The following RYR3 variants were observed in gnomAD, a reference collection of about 807,000 sequenced individuals.
RYR3 encodes brain ryanodine receptor-calcium release channel.
Under a neutral mutation model 584.3 loss-of-function variants are expected in RYR3, and 207 were observed. The observed-to-expected ratio is 0.35, with a 90% CI of 0.32 to 0.40. The LOEUF is 0.40. Among genes scored for constraint, RYR3 ranks in the 10% least tolerant of loss-of-function variants. The pLI is 1.00. For synonymous variants in RYR3, 2,416 were observed against 2,248.5 expected (o/e 1.07, Z -2.11); for missense variants, 5,616 against 6,089.2 (o/e 0.92, Z 2.59).
chr15:33,339,839 A>T (rs1971600166), intron 1 of RYR3, among the ~76,000 whole-genome samples: 1 of 151,128 alleles, frequency 6.6e-6, no homozygotes, highest in Non-Finnish European at 1.5e-5. Flanking sequence ...CAGTGAGCCG[A>T]GATAGCACCA....
chr15:33,738,437 C>A lies in RYR3; in HGVS notation c.7516-13C>A, dbSNP rs1460414377. 6.2e-7 allele frequency: 1 copy of A among 1,609,066 alleles called. No individual in the cohort carries two copies. The highest frequency in any genetic ancestry group is 1.1e-5 in the South Asian group (1 of 90,062). Reference sequence around the variant, plus strand: ...TGCCACCCCGCTGGTCTGTCCTGTTCTGCACCTCCCAGCTTCTGACGAATC... The same window carrying A: ...TGCCACCCCGCTGGTCTGTCCTGTTATGCACCTCCCAGCTTCTGACGAATC... On this transcript the variant is annotated splice_polypyrimidine_tract_variant and intron_variant, in intron 49 of 103. Transcript: ENST00000634891.
intron 60 of RYR3, among the ~76,000 whole-genome samples, chr15:33,761,611 A>AAT (rs150713666): frequency 0.037 from 5,578 of 152,314 alleles, 333 homozygotes; most frequent in African/African-American, 0.13. Flanking sequence ...GGCAGTAACT[A>AAT]ATAGCCTACC....
chr15:33,461,978 G>C (rs1228222836), intron 1 of RYR3, among the ~76,000 whole-genome samples: 1 of 152,084 alleles, frequency 6.6e-6, no homozygotes, highest in Non-Finnish European at 1.5e-5. Context: ...GCATGATTTA[G>C]TTCTGAATGG....
intron 52 of RYR3, 90 bp from the exon 53 acceptor site, chr15:33,745,978 C>T: frequency 1.2e-6 from 1 of 860,262 alleles, no homozygotes; most frequent in Non-Finnish European, 1.9e-6. Flanking sequence ...CATTACTCCA[C>T]TTGCTCCATG....
intron 1 of RYR3, among the ~76,000 whole-genome samples, chr15:33,339,994 A>G (rs1336610564): frequency 1.3e-5 from 2 of 152,074 alleles, no homozygotes; most frequent in Non-Finnish European, 2.9e-5. Context: ...ATTGAGCTTG[A>G]GGTGTATATG....
intron 48 of RYR3, among the ~76,000 whole-genome samples, chr15:33,734,760 ACT>A (rs2069283322): frequency 7.8e-6 from 1 of 128,098 alleles, no homozygotes; most frequent in Non-Finnish European, 1.6e-5. Flanking sequence ...TGCCATCTCC[ACT>A]CTCTGCAAAC....
At chr15:33,635,370 G>A (rs2061448331) in intron 25 of RYR3, among the ~76,000 whole-genome samples, 1 of 152,200 alleles carries the variant, frequency 6.6e-6, no homozygotes, top group African/African-American at 2.4e-5. Context: ...GGATTATTGT[G>A]AGGGAAAACT....
intron 1 of RYR3, among the ~76,000 whole-genome samples, chr15:33,342,092 G>A (rs1232698953): frequency 6.6e-6 from 1 of 152,142 alleles, no homozygotes; most frequent in East Asian, 1.9e-4. Flanking sequence ...GAAGTGGGTG[G>A]GCAGGATTTC....
intron 12 of RYR3, among the ~76,000 whole-genome samples, chr15:33,570,861 TC>T (rs2057991210): frequency 6.6e-6 from 1 of 152,302 alleles, no homozygotes; most frequent in East Asian, 1.9e-4. Flanking sequence ...TGATTTCATT[TC>T]AGATTATTTT....
intron 1 of RYR3, among the ~76,000 whole-genome samples, chr15:33,421,438 A>T (rs950582649): frequency 6.6e-6 from 1 of 152,188 alleles, no homozygotes; most frequent in Non-Finnish European, 1.5e-5. Flanking sequence ...GATGGAAGTA[A>T]TCTAATCTGT....
chr15:33,337,832 G>C (rs891081938), intron 1 of RYR3, among the ~76,000 whole-genome samples: 1 of 151,190 alleles, frequency 6.6e-6, no homozygotes, highest in Non-Finnish European at 1.5e-5. Flanking sequence ...GAACAACTGG[G>C]AACAACACAC....
chr15:33,845,086 C>G (rs372255098), intron 93 of RYR3, 24 bp downstream of exon 93: 237 of 1,609,538 alleles, frequency 1.5e-4, no homozygotes, highest in Middle Eastern at 3.4e-4. Context: ...CACTCTGGAT[C>G]TAATCTCACT....
intron 1 of RYR3, among the ~76,000 whole-genome samples, chr15:33,322,640 T>C (rs1969125945): frequency 1.3e-5 from 2 of 152,220 alleles, no homozygotes; most frequent in Admixed American, 6.5e-5. Context: ...TACATTTTAT[T>C]ATATTGGCTC....
At chr15:33,722,414 A>G (rs568180011) in intron 43 of RYR3, 2 of 401,388 alleles carry the variant, frequency 5.0e-6, no homozygotes, top group East Asian at 1.1e-4. Context: ...AATACTTTAA[A>G]CAAACAGATC....
In RYR3 at chr15:33,722,863, C is replaced by T. The variant is rs369638805; in HGVS notation, c.6768C>T (p.Leu2256=). The T allele has an allele frequency of 7.5e-6, 12 of 1,594,470 alleles. No individual in the cohort carries two copies. Among genetic ancestry groups the T allele is most frequent in the Non-Finnish European group, 1.0e-5 (12 of 1,172,162 alleles). ...TTAAGATCTCTGAGAACCCAGCGCT[C>T]GACCTCCCCTCTCAAGGATACAAAA... The part of the protein sequence containing the change: ...GAIKISENPA[L]DLPSQGYKRE... Residue 2256 remains leucine, a synonymous_variant, in exon 44 of 104, where the codon CTC becomes CTT. Coordinates refer to ENST00000634891, the MANE Select transcript of RYR3 (RefSeq NM_001036.6).
rs2078860756 is a variant in RYR3 at position 33,848,410 on chromosome 15, G to T, written c.13617G>T (p.Val4539=). 1 of 1,612,760 alleles carries T rather than the reference G, an allele frequency of 6.2e-7. No homozygotes were observed. Among genetic ancestry groups the T allele is most frequent in the Non-Finnish European group, 8.5e-7 (1 of 1,179,774 alleles). Residue 4539 remains valine, a synonymous_variant, in exon 94 of 104, where the codon GTG becomes GTT. Coordinates refer to ENST00000634891, the MANE Select transcript of RYR3 (RefSeq NM_001036.6). ...DDIKGQWDRL[V]INTPSFPNNY... ...TCAAGGGGCAGTGGGACCGCTTGGT[G>T]ATCAACACACCGTGAGTGTCCCTCT...
chr15:33,660,959 T>C (rs1311142833), intron 34 of RYR3, among the ~76,000 whole-genome samples: 1 of 152,206 alleles, frequency 6.6e-6, no homozygotes, highest in Non-Finnish European at 1.5e-5. Context: ...ATTGTATAAG[T>C]ATAATCTGGT....
intron 43 of RYR3, among the ~76,000 whole-genome samples, chr15:33,720,033 T>C (rs2067793173): frequency 6.6e-6 from 1 of 152,194 alleles, no homozygotes; most frequent in Non-Finnish European, 1.5e-5. Flanking sequence ...AAGACAAACT[T>C]CTTTACAAAA....
intron 48 of RYR3, among the ~76,000 whole-genome samples, chr15:33,732,787 G>A (rs757783151): frequency 2.0e-5 from 3 of 152,210 alleles, no homozygotes; most frequent in Non-Finnish European, 2.9e-5. Flanking sequence ...TCTGGCTTTT[G>A]AAGCTTCCCA....
Sources: allele counts gnomAD v4.1 joint callset (sites outside exome capture counted in the v4.1 genomes callset), GRCh38; gene constraint gnomAD v4.1.1; transcripts MANE v1.5; gene names NCBI Gene and HGNC (gene_info 2026-07-23, HGNC 2026-07-21).